The following ZNF138 variants were observed in gnomAD, a reference collection of about 807,000 sequenced individuals.
ZNF138 encodes zinc finger protein 138, also known as zinc finger protein 138 (clone pHZ-32).
A neutral mutation model predicts 33.0 loss-of-function variants in ZNF138; 33 were observed. The observed-to-expected ratio is 1.00, with a 90% CI of 0.76 to 1.34. The LOEUF (loss-of-function observed/expected upper bound fraction) is 1.34. Among genes scored for constraint, ZNF138 ranks in the 40% most tolerant of loss-of-function variants. ZNF138 has a pLI of 0.00. For synonymous variants in ZNF138, 139 were observed against 120.4 expected (o/e 1.15, Z -1.01); for missense variants, 360 against 370.8 (o/e 0.97, Z 0.24).
At position 64,802,898 on chromosome 7, in the gene ZNF138, G is replaced by A. The variant is rs73142721; in HGVS notation, c.3+8327G>A. Reference sequence around the variant, plus strand: ...GCATATCTGATTGTTCCCCTGCCTCGTTTTGTCTTGTCTTATGTTAAAAAA... The same window carrying A: ...GCATATCTGATTGTTCCCCTGCCTCATTTTGTCTTGTCTTATGTTAAAAAA... On this transcript the variant is annotated intron_variant, in intron 1 of 3. Coordinates refer to ENST00000307355, the MANE Select transcript of ZNF138 (RefSeq NM_001271639.2). Among the ~76,000 whole-genome samples the A allele has an allele frequency of 4.0e-5, 6 of 150,788 alleles. No individual in the cohort carries two copies. The East Asian group carries it at 5.9e-4, about 15-fold the overall frequency.
downstream of ZNF138, chr7:64,836,371 G>A (rs946006444): frequency 2.6e-5 from 4 of 152,370 alleles, no homozygotes; most frequent in South Asian, 8.3e-4. Flanking sequence ...GGAGGACTTG[G>A]CCTGGTCAGC....
chr7:64,808,246 CTT>C (rs1285753190), intron 1 of ZNF138, among the ~76,000 whole-genome samples: 1 of 152,168 alleles, frequency 6.6e-6, no homozygotes, highest in Admixed American at 6.5e-5. Context: ...CAAGAGATGT[CTT>C]TGGTTGGTAC....
intron 1 of ZNF138, among the ~76,000 whole-genome samples, chr7:64,812,587 G>A (rs1363435539): frequency 1.3e-5 from 2 of 152,178 alleles, no homozygotes; most frequent in Non-Finnish European, 2.9e-5. Flanking sequence ...AAGAGCACCT[G>A]AGGACAGGAA....
chr7:64,831,692 A>G lies in ZNF138; in HGVS notation c.450A>G (p.Lys150=). 1 of 1,607,576 alleles carries G rather than the reference A, an allele frequency of 6.2e-7. No homozygotes were observed. The highest frequency in any genetic ancestry group is 8.5e-7 in the Non-Finnish European group (1 of 1,177,928). The change falls in exon 4 of 4, where the codon AAA becomes AAG. Residue 150 remains lysine (K), a synonymous_variant. Transcript: ENST00000307355. ...ATAAATATGTAAAAGTCATGCATAA[A>G]TTTTCAAATTCAAATAGACACAAGA... ...QCNKYVKVMH[K]FSNSNRHKIR... is the part of the protein sequence containing the mutation.
At chr7:64,839,804 C>T in the ZNF138 span, among the ~76,000 whole-genome samples, 4 of 151,962 alleles carry the variant, frequency 2.6e-5, no homozygotes, top group Admixed American at 6.6e-5. Flanking sequence ...TCCCGTGTTT[C>T]GGCACCAATG....
chr7:64,797,351 A>G (rs934869579), intron 1 of ZNF138, among the ~76,000 whole-genome samples: 15 of 152,234 alleles, frequency 9.9e-5, no homozygotes, highest in East Asian at 5.8e-4. Context: ...CATTTGAGAT[A>G]TGTGACGTAA....
rs193268144 is a variant in ZNF138, at chr7:64,815,457, C to T, written c.131-119C>T. 3.5e-4 allele frequency: 250 copies of T among 722,406 alleles called. 1 individual carries two copies. The African/African-American group carries it at 4.5e-3, about 13-fold the overall frequency. The allele number at this position is 722,406 out of a possible 1,614,324, so 44.7% of individuals were successfully genotyped here. On this transcript the variant is annotated intron_variant, in intron 2 of 3. Coordinates refer to ENST00000307355, the MANE Select transcript of ZNF138 (RefSeq NM_001271639.2). ...ATATTAGCATTTTGGGATTAATTTA[C>T]TAGAATATTCTATTACATTCTCTTT... is the stretch of plus-strand genomic sequence containing the variant.
Position 64,832,049 on chromosome 7 carries a change from T to C in ZNF138, c.807T>C (p.His269=). Residue 269 remains histidine, a synonymous_variant, in exon 4 of 4, where the codon CAT becomes CAC. Coordinates refer to ENST00000307355, the MANE Select transcript of ZNF138 (RefSeq NM_001271639.2). ...AFKQSSHLTR[H]KIIHTEEKPY... is the part of the protein sequence containing the mutation. ...AACAGTCCTCACACCTTACTAGACA[T>C]AAGATAATTCATACTGAAGAGAAAC... is the stretch of plus-strand genomic sequence containing the variant. 6.2e-7 allele frequency: 1 copy of C among 1,613,926 alleles called. No individual in the cohort carries two copies. The highest frequency in any genetic ancestry group is 8.5e-7 in the Non-Finnish European group (1 of 1,179,902).
At position 64,833,055 on chromosome 7, in the gene ZNF138, C is replaced by T. The variant is rs1790220892; in HGVS notation, c.*853C>T. 4.5e-5 allele frequency: 16 copies of T among 351,928 alleles called. No individual in the cohort carries two copies. Among genetic ancestry groups the T allele is most frequent in the South Asian group, 4.0e-4 (16 of 40,084 alleles). 21.8% of individuals were successfully genotyped at this position (351,928 alleles called of 1,614,324 possible). On this transcript the variant is annotated 3_prime_UTR_variant, in exon 4 of 4. Coordinates refer to ENST00000307355, the MANE Select transcript of ZNF138 (RefSeq NM_001271639.2). ...TAACCAAGTCTCAACACTTACTATA[C>T]ATAAGATAATTTATACTGGAGCAAA... is the stretch of plus-strand genomic sequence containing the variant.
chr7:64,843,360 A>AT, the ZNF138 span, among the ~76,000 whole-genome samples: 1 of 152,160 alleles, frequency 6.6e-6, no homozygotes, highest in Non-Finnish European at 1.5e-5. Context: ...TTAATTTTAA[A>AT]TTTTTTTGAG....
At chr7:64,852,484 T>C in the ZNF138 span, 1 of 1,583,842 alleles carries the variant, frequency 6.3e-7, no homozygotes, top group South Asian at 1.1e-5. Flanking sequence ...TGATTCTGGC[T>C]GTGTGGTTGC....
At chr7:64,814,153 C>A in intron 1 of ZNF138, 1 of 1,151,942 alleles carries the variant, frequency 8.7e-7, no homozygotes, top group Non-Finnish European at 1.1e-6. Flanking sequence ...TAGCGGTGAG[C>A]TTGTTAGAAA....
intron 1 of ZNF138, 91 bp downstream of exon 1, chr7:64,794,662 G>C (rs930990129): frequency 1.3e-6 from 2 of 1,578,740 alleles, no homozygotes; most frequent in African/African-American, 2.7e-5. Flanking sequence ...GGGTCTTCCC[G>C]CAGTCGGCTG....
At chr7:64,799,488 A>G (rs1270988970) in intron 1 of ZNF138, among the ~76,000 whole-genome samples, 1 of 152,106 alleles carries the variant, frequency 6.6e-6, no homozygotes, top group Non-Finnish European at 1.5e-5. Flanking sequence ...ATCCATGAGC[A>G]TAAAGTAATT....
In ZNF138 at chr7:64,808,661, A is replaced by C. The variant is rs1353924721; in HGVS notation, c.4-6257A>C. Among the ~76,000 whole-genome samples, 3 of 150,270 alleles carry C rather than the reference A, an allele frequency of 2.0e-5. No homozygotes were observed. The Admixed American group carries it at 2.0e-4, about 10-fold the overall frequency. ...ACAGAGGGGGATTTGGCAGGGTCAT[A>C]GGACAATAGTGGAGGGAAGGTCAGC... On this transcript the variant is annotated intron_variant, in intron 1 of 3. Transcript: ENST00000307355.
chr7:64,815,802 ATCTTC>A, intron 3 of ZNF138, 149 bp downstream of exon 3: 5 of 661,886 alleles, frequency 7.6e-6, no homozygotes, highest in Non-Finnish European at 1.3e-5. Context: ...TACATAAGAC[ATCTTC>A]TGTCTTATGT....
chr7:64,846,638 A>G, the ZNF138 span, among the ~76,000 whole-genome samples: 19 of 152,260 alleles, frequency 1.2e-4, 1 homozygote, highest in Middle Eastern at 0.017. Flanking sequence ...TGCTGAATTT[A>G]TCAGTTTTAG....
chr7:64,852,411 G>A, the ZNF138 span: 1 of 1,551,024 alleles, frequency 6.4e-7, no homozygotes, highest in Non-Finnish European at 8.8e-7. Flanking sequence ...GTGGCCCCGG[G>A]TGTGGGATTC....
At chr7:64,844,672 TTTTTGTTTTG>T in the ZNF138 span, among the ~76,000 whole-genome samples, 1,730 of 150,566 alleles carry the variant, frequency 0.011, 30 homozygotes, top group African/African-American at 0.039. Context: ...TTTATGTGTT[TTTTTGTTTTG>T]TTTTGTTTTG....
Sources: allele counts gnomAD v4.1 joint callset (sites outside exome capture counted in the v4.1 genomes callset), GRCh38; gene constraint gnomAD v4.1.1; transcripts MANE v1.5; gene names NCBI Gene and HGNC (gene_info 2026-07-23, HGNC 2026-07-21).